Variants in VPS13B observed in about 807,000 individuals in gnomAD.
VPS13B encodes the protein intermembrane lipid transfer protein VPS13B.
In VPS13B, 285 loss-of-function variants were observed where a neutral mutation model predicts 426.4. That is an observed-to-expected ratio of 0.67 (90% CI 0.61 to 0.74). The LOEUF is 0.74. Among genes scored for constraint, VPS13B ranks in the 30% least tolerant of loss-of-function variants. VPS13B has a pLI of 0.00. For missense variants in VPS13B, 4,537 were observed against 4,782.6 expected (o/e 0.95, Z 1.51); for synonymous variants, 1,676 against 1,676.4 (o/e 1.00, Z 0.01).
chr8:99,800,475 A>G (rs1435353784), intron 43 of VPS13B, among the ~76,000 whole-genome samples: 2 of 152,174 alleles, frequency 1.3e-5, no homozygotes, highest in East Asian at 1.9e-4. Flanking sequence ...ATCTGATTTC[A>G]TGATTGAAAT....
chr8:99,306,675 G>T (rs1820654273), intron 19 of VPS13B, among the ~76,000 whole-genome samples: 1 of 151,962 alleles, frequency 6.6e-6, no homozygotes, highest in Non-Finnish European at 1.5e-5. Flanking sequence ...ACTGGTTGAG[G>T]GCTTACACCT....
intron 7 of VPS13B, chr8:99,120,707 A>G (rs1165093469): frequency 6.5e-6 from 1 of 152,804 alleles, no homozygotes; most frequent in Non-Finnish European, 1.5e-5. Flanking sequence ...TTTTGCCTAG[A>G]AGCACTTGCC....
chr8:99,019,421 C>G (rs182742237), intron 2 of VPS13B, among the ~76,000 whole-genome samples: 1 of 152,174 alleles, frequency 6.6e-6, no homozygotes, highest in African/African-American at 2.4e-5. Context: ...GTTGGCCAGG[C>G]TGATCTCAAA....
intron 31 of VPS13B, among the ~76,000 whole-genome samples, chr8:99,563,464 A>C (rs1825032494): frequency 6.6e-6 from 1 of 152,212 alleles, no homozygotes. Flanking sequence ...CATAAGCAAA[A>C]AGATAAATTA....
chr8:99,869,282 G>C (rs1817268627), intron 59 of VPS13B, among the ~76,000 whole-genome samples: 1 of 152,214 alleles, frequency 6.6e-6, no homozygotes, highest in African/African-American at 2.4e-5. Context: ...TGAGCACACT[G>C]TGTCTGCATC....
At chr8:99,106,329 G>C (rs1254451374) in intron 5 of VPS13B, among the ~76,000 whole-genome samples, 1 of 151,056 alleles carries the variant, frequency 6.6e-6, no homozygotes, top group African/African-American at 2.4e-5. Context: ...TAGCTACTTG[G>C]GAGGCTGAGG....
chr8:99,364,363 T>G (rs1379488360), intron 19 of VPS13B, among the ~76,000 whole-genome samples: 1 of 152,180 alleles, frequency 6.6e-6, no homozygotes, highest in Non-Finnish European at 1.5e-5. Context: ...TTGCTGAATT[T>G]GGTTTGCTAT....
At chr8:99,506,271 CAG>C (rs1451237497) in intron 27 of VPS13B, among the ~76,000 whole-genome samples, 1 of 152,128 alleles carries the variant, frequency 6.6e-6, no homozygotes, top group Non-Finnish European at 1.5e-5. Context: ...TCATATTAAA[CAG>C]TGACTTATTA....
chr8:99,616,693 C>T (rs1432661603), intron 33 of VPS13B, among the ~76,000 whole-genome samples: 3 of 152,092 alleles, frequency 2.0e-5, no homozygotes, highest in African/African-American at 4.8e-5. Flanking sequence ...GACGTGGTGG[C>T]GGGTGCCTGT....
At position 99,060,506 on chromosome 8, in the gene VPS13B, G is replaced by A. The variant is rs147877440; in HGVS notation, c.291+21940G>A. Among the ~76,000 whole-genome samples, 1,023 of 152,124 alleles carry A rather than the reference G, an allele frequency of 6.7e-3. 10 individuals carry two copies. Among genetic ancestry groups the A allele is most frequent in the African/African-American group, 0.024 (990 of 41,494 alleles). ...CACCTGTAATCCCAGCCACTCAGGA[G>A]GCTGAGGTGGGGGAATCACTTGAAC... is the stretch of plus-strand genomic sequence containing the variant. On this transcript the variant is annotated intron_variant, in intron 3 of 61. Transcript: ENST00000357162.
chr8:99,360,234 CT>C lies in VPS13B; in HGVS notation c.2825-23973del, dbSNP rs1279227804. On this transcript the variant is annotated intron_variant, in intron 19 of 61. Transcript: ENST00000357162. ...TCTTTCTTTCTTTCTTTCTTTCTTTCTCTCTCTCCTTCCTTCCTTCCTTCCT... is the reference window on the plus strand; with the variant it reads ...TCTTTCTTTCTTTCTTTCTTTCTTTCCTCTCTCCTTCCTTCCTTCCTTCCT... 2.6e-4 allele frequency among the ~76,000 whole-genome samples: 25 copies of C among 97,476 alleles called. 2 individuals are homozygous for C. The highest frequency in any genetic ancestry group is 9.6e-4 in the African/African-American group (23 of 24,072). The allele number at this position is 97,476 out of a possible 152,430, so 63.9% of individuals were successfully genotyped here.
At chr8:99,799,021 T>A (rs1812998938) in intron 43 of VPS13B, 1 of 152,232 alleles carries the variant, frequency 6.6e-6, no homozygotes, top group Admixed American at 6.5e-5. Flanking sequence ...TGAGTCTGTG[T>A]AACAAAAGCA....
chr8:99,859,221 A>G, intron 56 of VPS13B, 83 bp from the exon 57 acceptor site: 1 of 1,533,706 alleles, frequency 6.5e-7, no homozygotes, highest in Non-Finnish European at 9.0e-7. Context: ...AATGAATTGC[A>G]GGGAAAATGG....
intron 2 of VPS13B, among the ~76,000 whole-genome samples, chr8:99,033,904 A>T (rs1162024252): frequency 6.6e-6 from 1 of 152,190 alleles, no homozygotes; most frequent in Non-Finnish European, 1.5e-5. Context: ...TCAAAAAAAA[A>T]AATTATTTGT....
intron 16 of VPS13B, among the ~76,000 whole-genome samples, chr8:99,185,965 A>G (rs780551927): frequency 1.2e-4 from 18 of 152,138 alleles, no homozygotes; most frequent in Admixed American, 7.2e-4. Flanking sequence ...GTCAAGACCT[A>G]CTTGTTTCTA....
intron 23 of VPS13B, among the ~76,000 whole-genome samples, chr8:99,465,938 AT>A (rs1415137282): frequency 1.3e-5 from 2 of 152,100 alleles, no homozygotes; most frequent in African/African-American, 4.8e-5. Context: ...TTTTATAATA[AT>A]TTTATTAACT....
At chr8:99,198,171 C>G (rs1281866951) in intron 17 of VPS13B, among the ~76,000 whole-genome samples, 2 of 151,986 alleles carry the variant, frequency 1.3e-5, no homozygotes, top group South Asian at 2.1e-4. Flanking sequence ...AAAATCTTAC[C>G]TTTTTGATGC....
intron 2 of VPS13B, among the ~76,000 whole-genome samples, chr8:99,036,632 G>C (rs1842761337): frequency 6.6e-6 from 1 of 152,108 alleles, no homozygotes; most frequent in Non-Finnish European, 1.5e-5. Context: ...TGTTTGGTTA[G>C]TAGCATTCTG....
chr8:99,673,112 TG>T (rs1830786073), intron 35 of VPS13B, among the ~76,000 whole-genome samples: 1 of 152,106 alleles, frequency 6.6e-6, no homozygotes, highest in Non-Finnish European at 1.5e-5. Context: ...TGTCTTTGTC[TG>T]GTTTTCATAT....
Sources: allele counts gnomAD v4.1 joint callset (sites outside exome capture counted in the v4.1 genomes callset), GRCh38; gene constraint gnomAD v4.1.1; transcripts MANE v1.5; gene names NCBI Gene and HGNC (gene_info 2026-07-23, HGNC 2026-07-21).